The following PCDHGA10 variants were observed in gnomAD, a reference collection of about 807,000 sequenced individuals.
PCDHGA10 encodes protocadherin gamma subfamily A, 10.
A neutral mutation model predicts 59.5 loss-of-function variants in PCDHGA10; 42 were observed. That is an observed-to-expected ratio of 0.71 (90% CI 0.55 to 0.91). The LOEUF is 0.91. Ranked by LOEUF, PCDHGA10 falls within the 40% of genes least tolerant of loss-of-function variation. The pLI, the probability that PCDHGA10 is intolerant of heterozygous loss-of-function variation, is 0.00. For synonymous variants in PCDHGA10, 511 were observed against 517.2 expected, an observed-to-expected ratio of 0.99 and a Z score of 0.16; for missense variants, 1,111 against 1,198.2, an observed-to-expected ratio of 0.93 and a Z score of 1.07.
rs769514553 is a variant in PCDHGA10, at chr5:141,490,072, G to T, written c.2437-4735G>T. On this transcript the variant is annotated intron_variant, in intron 1 of 3. Transcript: ENST00000398610. The surrounding 1 kb of genome is among the most constrained non-coding windows in gnomAD (Gnocchi z 5.4). Reference sequence around the variant, plus strand: ...AGACGAGGGCACCAACGGCCAACTAGACTATTCTTTTGGAGACCACACATC... The same window carrying T: ...AGACGAGGGCACCAACGGCCAACTATACTATTCTTTTGGAGACCACACATC... 2 of 1,614,254 alleles carry T rather than the reference G, an allele frequency of 1.2e-6. No homozygotes were observed. Among genetic ancestry groups the T allele is most frequent in the South Asian group, 2.2e-5 (2 of 91,090 alleles).
chr5:141,413,354 C>T lies in PCDHGA10; in HGVS notation c.179C>T (p.Pro60Leu). 1 of 1,613,974 alleles carries T rather than the reference C, an allele frequency of 6.2e-7. No individual in the cohort carries two copies. Among genetic ancestry groups the T allele is most frequent in the South Asian group, 1.1e-5 (1 of 91,092 alleles). Residue 60 changes from proline (P) to leucine (L), a missense_variant, in exon 1 of 4, where the codon CCC (proline) becomes CTC (leucine). By Grantham distance (98) the Pro-to-Leu change is moderately conservative. Coordinates refer to ENST00000398610, the MANE Select transcript of PCDHGA10 (RefSeq NM_018913.3). ...GNISKDLGLA[P>L]RELAERGVRI... is the part of the protein sequence containing the mutation. Reference sequence around the variant, plus strand: ...ATCTCCAAGGACTTGGGTCTGGCGCCCCGGGAGCTGGCGGAGCGCGGAGTC... The same window carrying T: ...ATCTCCAAGGACTTGGGTCTGGCGCTCCGGGAGCTGGCGGAGCGCGGAGTC...
rs757356726 is a variant in PCDHGA10, at chr5:141,415,071, G to C, written c.1896G>C (p.Thr632=). The change falls in exon 1 of 4, where the codon ACG becomes ACC. Residue 632 remains threonine (T), a synonymous_variant. Coordinates refer to ENST00000398610, the MANE Select transcript of PCDHGA10 (RefSeq NM_018913.3). ...GGGAGCACACGGGCGAGGTGCGCAC[G>C]GCGCGAGCCCTGCTGGACAGAGACG... ...AVGEHTGEVR[T]ARALLDRDAL... The C allele has an allele frequency of 3.1e-6, 5 of 1,613,422 alleles. No homozygotes were observed. The highest frequency in any genetic ancestry group is 1.7e-6 in the Non-Finnish European group (2 of 1,179,942).
intron 1 of PCDHGA10, chr5:141,478,813 A>G (rs2099478658): frequency 4.8e-6 from 7 of 1,453,346 alleles, no homozygotes; most frequent in Non-Finnish European, 6.3e-6. Context: ...TGCTATCACA[A>G]CTAACCAATC....
chr5:141,442,014 G>T, intron 1 of PCDHGA10: 1 of 220,044 alleles, frequency 4.5e-6, no homozygotes, highest in Non-Finnish European at 9.2e-6. Flanking sequence ...TCGCACGATG[G>T]GCCACAGGAA....
At chr5:141,496,249 A>G (rs1385823714) in intron 2 of PCDHGA10, among the ~76,000 whole-genome samples, 1 of 152,078 alleles carries the variant, frequency 6.6e-6, no homozygotes, top group East Asian at 1.9e-4. Context: ...GCTGAAGGGG[A>G]GGGAAACTTC....
intron 1 of PCDHGA10, chr5:141,424,767 A>T (rs139479155): frequency 2.9e-4 from 44 of 152,290 alleles, no homozygotes; most frequent in African/African-American, 1.0e-3. Flanking sequence ...TTCTTATGGC[A>T]AATAGTACAT....
At position 141,491,116 on chromosome 5, in the gene PCDHGA10, GGT is replaced by G. The variant is rs2099708409; in HGVS notation, c.2437-3689_2437-3688del. The G allele has an allele frequency of 1.2e-6, 2 of 1,614,178 alleles. No individual in the cohort carries two copies. Among genetic ancestry groups the G allele is most frequent in the Non-Finnish European group, 1.7e-6 (2 of 1,180,024 alleles). On this transcript the variant is annotated intron_variant, in intron 1 of 3. Transcript: ENST00000398610. This position sits in a 1 kb window ranked among gnomAD's most constrained non-coding sequence, Gnocchi z 6.9. Reference sequence around the variant, plus strand: ...ACTGTTCCTCGTGTCTACACACACTGGTGAGGTGCGCACAGCCCGGGCCTTAC... The same window carrying G: ...ACTGTTCCTCGTGTCTACACACACTGGAGGTGCGCACAGCCCGGGCCTTAC...
intron 1 of PCDHGA10, among the ~76,000 whole-genome samples, chr5:141,443,764 C>A (rs1351060316): frequency 6.6e-6 from 1 of 151,708 alleles, no homozygotes; most frequent in Non-Finnish European, 1.5e-5. Flanking sequence ...TTACAATATA[C>A]AATATTACCA....
chr5:141,432,415 G>A lies in PCDHGA10; in HGVS notation c.2436+16804G>A, dbSNP rs2097498934. The A allele has an allele frequency of 6.2e-7, 1 of 1,614,112 alleles. No homozygotes were observed. The highest frequency in any genetic ancestry group is 1.1e-5 in the South Asian group (1 of 91,092). On this transcript the variant is annotated intron_variant, in intron 1 of 3. Transcript: ENST00000398610. This position sits in a 1 kb window ranked among gnomAD's most constrained non-coding sequence, Gnocchi z 6.0. ...GCAACGTGTCGTTGAGCCTGTTCGT[G>A]CTGGACCAGAACGACAATGCGCCCG... is the stretch of plus-strand genomic sequence containing the variant.
intron 1 of PCDHGA10, chr5:141,478,776 A>T: frequency 1.3e-6 from 2 of 1,488,808 alleles, no homozygotes; most frequent in Non-Finnish European, 1.8e-6. Context: ...TCATCTGTGG[A>T]CCTAATTCAC....
At chr5:141,501,330 CACA>C (rs1301023208) in intron 2 of PCDHGA10, among the ~76,000 whole-genome samples, 82 of 151,502 alleles carry the variant, frequency 5.4e-4, no homozygotes, top group Admixed American at 2.2e-3. Flanking sequence ...CACACACACA[CACA>C]CCCCAAACTC....
Position 141,490,008 on chromosome 5 carries a change from C to T in PCDHGA10, c.2437-4799C>T. 6.2e-7 allele frequency: 1 copy of T among 1,614,230 alleles called. No homozygotes were observed. ...GTGTGGGAATCCCAGAGAATGCACC[C>T]ATTGGTACTCTGCTGCTCCGCCTCA... On this transcript the variant is annotated intron_variant, in intron 1 of 3. Transcript: ENST00000398610. This position sits in a 1 kb window ranked among gnomAD's most constrained non-coding sequence, Gnocchi z 5.4.
chr5:141,476,868 C>T lies in PCDHGA10; in HGVS notation c.2437-17939C>T, dbSNP rs1213404395. On this transcript the variant is annotated intron_variant, in intron 1 of 3. Coordinates refer to ENST00000398610, the MANE Select transcript of PCDHGA10 (RefSeq NM_018913.3). This position sits in a 1 kb window ranked among gnomAD's most constrained non-coding sequence, Gnocchi z 7.6. ...GTCTTCAACCAGTCCTTGTACCGGG[C>T]GCGCGTCCTGGAGGATGCACCCTCC... 3 of 1,613,874 alleles carry T rather than the reference C, an allele frequency of 1.9e-6. No individual in the cohort carries two copies. Among genetic ancestry groups the T allele is most frequent in the Admixed American group, 3.3e-5 (2 of 60,026 alleles).
intron 1 of PCDHGA10, chr5:141,418,251 C>G: frequency 6.2e-7 from 1 of 1,614,058 alleles, no homozygotes; most frequent in Non-Finnish European, 8.5e-7. Context: ...GACCACGCCC[C>G]TCAATTCCGG....
intron 2 of PCDHGA10, among the ~76,000 whole-genome samples, chr5:141,505,177 A>G (rs917485235): frequency 6.6e-6 from 1 of 152,180 alleles, no homozygotes; most frequent in East Asian, 1.9e-4. Flanking sequence ...AAAAGAAAAA[A>G]GCATCGGAGG....
At chr5:141,467,932 TA>T (rs1391978978) in intron 1 of PCDHGA10, among the ~76,000 whole-genome samples, 4 of 152,186 alleles carry the variant, frequency 2.6e-5, no homozygotes, top group Non-Finnish European at 4.4e-5. Flanking sequence ...ATGCTAGGAT[TA>T]CAAGCATGAG....
Position 141,490,924 on chromosome 5 carries a change from C to A in PCDHGA10, c.2437-3883C>A. 1 of 1,613,680 alleles carries A rather than the reference C, an allele frequency of 6.2e-7. No individual in the cohort carries two copies. Among genetic ancestry groups the A allele is most frequent in the Non-Finnish European group, 8.5e-7 (1 of 1,179,694 alleles). On this transcript the variant is annotated intron_variant, in intron 1 of 3. Coordinates refer to ENST00000398610, the MANE Select transcript of PCDHGA10 (RefSeq NM_018913.3). The surrounding 1 kb of genome is among the most constrained non-coding windows in gnomAD (Gnocchi z 5.4). ...TGTCCTAGACGAGAATGATAATGCC[C>A]CAGCTGTGCTGCACCCACGGCCAGA...
chr5:141,451,148 G>A (rs536843411), intron 1 of PCDHGA10, among the ~76,000 whole-genome samples: 2 of 152,154 alleles, frequency 1.3e-5, no homozygotes, highest in East Asian at 3.9e-4. Flanking sequence ...ATTTAGACTA[G>A]ACATTTTTTT....
intron 1 of PCDHGA10, among the ~76,000 whole-genome samples, chr5:141,438,623 T>C (rs1485045684): frequency 2.3e-4 from 10 of 42,840 alleles, no homozygotes; most frequent in Non-Finnish European, 3.8e-4. Flanking sequence ...TATATATATA[T>C]ATATATATAT....
Sources: allele counts gnomAD v4.1 joint callset (sites outside exome capture counted in the v4.1 genomes callset), GRCh38; gene constraint gnomAD v4.1.1; non-coding constraint Gnocchi (gnomAD v3.1); transcripts MANE v1.5; gene names NCBI Gene and HGNC (gene_info 2026-07-23, HGNC 2026-07-21).